Variants in GLB1L3 observed in about 807,000 individuals in gnomAD.
GLB1L3 encodes galactosidase beta 1 like 3.
In GLB1L3, 89 loss-of-function variants were observed where a neutral mutation model predicts 89.5. That is an observed-to-expected ratio of 0.99 (90% CI 0.84 to 1.19). The LOEUF (loss-of-function observed/expected upper bound fraction) is 1.19, where lower values mean the gene tolerates loss of function less well. Ranked by LOEUF, GLB1L3 falls within the 50% of genes most tolerant of loss-of-function variation. GLB1L3 has a pLI of 0.00. For missense variants in GLB1L3, 812 were observed against 813.3 expected (o/e 1.00, Z 0.02); for synonymous variants, 314 against 312.3 (o/e 1.01, Z -0.06).
chr11:134,297,752 T>C (rs1436232727), intron 9 of GLB1L3, among the ~76,000 whole-genome samples: 3 of 149,104 alleles, frequency 2.0e-5, no homozygotes, highest in Non-Finnish European at 4.4e-5. Context: ...CCCAGTTACT[T>C]GGGAGGCTGA....
At position 134,297,627 on chromosome 11, in the gene GLB1L3, G is replaced by A. The variant is rs573918405; in HGVS notation, c.876+4418G>A. Among the ~76,000 whole-genome samples, 21 of 152,108 alleles carry A rather than the reference G, an allele frequency of 1.4e-4. No individual in the cohort carries two copies. The South Asian group carries it at 1.5e-3, about 11-fold the overall frequency. ...TGTAATCCCAGCACTTTGGGAGGCC[G>A]AGGTGGGCGGATCATTTGAGGTCAG... On this transcript the variant is annotated intron_variant, in intron 9 of 19. Transcript: ENST00000431683.
chr11:134,312,543 T>A (rs1942786950), intron 14 of GLB1L3, 54 bp downstream of exon 14: 3 of 1,591,668 alleles, frequency 1.9e-6, no homozygotes, highest in Non-Finnish European at 1.7e-6. Flanking sequence ...CTCCCCATGC[T>A]GTCGGGCAGG....
downstream of GLB1L3, among the ~76,000 whole-genome samples, chr11:134,321,410 TAAA>T (rs1401716176): frequency 1.3e-5 from 2 of 151,812 alleles, no homozygotes; most frequent in Non-Finnish European, 2.9e-5. Context: ...TAGTAGAAGA[TAAA>T]GAAGTAGAAA....
chr11:134,315,675 C>T (rs1415950857), intron 18 of GLB1L3, among the ~76,000 whole-genome samples: 1 of 152,138 alleles, frequency 6.6e-6, no homozygotes, highest in East Asian at 1.9e-4. Context: ...TATCGATGCA[C>T]TCTTTTTTCT....
At position 134,312,333 on chromosome 11, in the gene GLB1L3, C is replaced by T; in HGVS notation, c.1288-16C>T. 1 of 1,612,428 alleles carries T rather than the reference C, an allele frequency of 6.2e-7. No homozygotes were observed. The highest frequency in any genetic ancestry group is 8.5e-7 in the Non-Finnish European group (1 of 1,179,462). On this transcript the variant is annotated splice_polypyrimidine_tract_variant and intron_variant, in intron 13 of 19. Coordinates refer to ENST00000431683, the MANE Select transcript of GLB1L3 (RefSeq NM_001080407.3). ...CTCAGCCCTTGGACTTCTGCTCTTG[C>T]CATTTCTCCTCATAGCCAGTCAGGT...
intron 9 of GLB1L3, among the ~76,000 whole-genome samples, chr11:134,297,263 A>T (rs1941700363): frequency 6.6e-6 from 1 of 152,142 alleles, no homozygotes; most frequent in Non-Finnish European, 1.5e-5. Flanking sequence ...ATACCTTAAC[A>T]TCTGTATTTA....
rs376609958 is a variant in GLB1L3 at position 134,277,869 on chromosome 11, C to A, written c.319C>A (p.Arg107Ser). 5 of 1,613,816 alleles carry A rather than the reference C, an allele frequency of 3.1e-6. No homozygotes were observed. The highest frequency in any genetic ancestry group is 1.6e-4 in the Middle Eastern group (1 of 6,080). ...FRVPREYWRD[R>S]LLKLKACGFN... ...GGTGCCCAGGGAGTACTGGAGGGAC[C>A]GCCTGCTGAAGCTGAAGGCCTGTGG... Residue 107 changes from arginine to serine, a missense_variant, in exon 3 of 20, where the codon CGC becomes AGC. Around this residue, in one of 3 missense-constraint regions of GLB1L3, gnomAD observed 191 missense variants for 191.4 expected, o/e 1.00. Transcript: ENST00000431683.
chr11:134,294,357 T>C (rs1256972271), intron 9 of GLB1L3, among the ~76,000 whole-genome samples: 1 of 152,204 alleles, frequency 6.6e-6, no homozygotes, highest in Non-Finnish European at 1.5e-5. Context: ...TGTGAGCCAC[T>C]GCGCCTGGAT....
At position 134,307,443 on chromosome 11, in the gene GLB1L3, C is replaced by T. The variant is rs1319510366; in HGVS notation, c.961+235C>T. Among the ~76,000 whole-genome samples the T allele has an allele frequency of 2.0e-5, 3 of 152,156 alleles. 1 individual carries two copies. The highest frequency in any genetic ancestry group is 4.4e-5 in the Non-Finnish European group (3 of 68,030). On this transcript the variant is annotated intron_variant, in intron 10 of 19. Coordinates refer to ENST00000431683, the MANE Select transcript of GLB1L3 (RefSeq NM_001080407.3). The stretch of plus-strand genomic sequence containing the variant: ...GTCCACAGATCATTACAGAGTAAAA[C>T]AATCAATATGTAGTTCCATGTTTGG...
chr11:134,293,786 G>A (rs2136152149), intron 9 of GLB1L3, among the ~76,000 whole-genome samples: 1 of 152,192 alleles, frequency 6.6e-6, no homozygotes, highest in African/African-American at 2.4e-5. Flanking sequence ...TAGAGTGCGT[G>A]CTTCAAGACC....
At chr11:134,315,579 A>T (rs572386804) in intron 18 of GLB1L3, among the ~76,000 whole-genome samples, 1 of 152,258 alleles carries the variant, frequency 6.6e-6, no homozygotes, top group Non-Finnish European at 1.5e-5. Flanking sequence ...ATTTCATCTA[A>T]ATTTTCAAAT....
chr11:134,313,278 C>A, intron 15 of GLB1L3, 118 bp from the exon 16 acceptor site: 1 of 718,070 alleles, frequency 1.4e-6, no homozygotes, highest in South Asian at 1.7e-5. Flanking sequence ...GACTGCTGGG[C>A]CCTGGAGCCT....
chr11:134,308,069 C>T (rs1421195200), intron 10 of GLB1L3, among the ~76,000 whole-genome samples: 1 of 151,620 alleles, frequency 6.6e-6, no homozygotes, highest in Non-Finnish European at 1.5e-5. Context: ...ATAACACCAA[C>T]AATAATACCA....
At chr11:134,276,853 C>T in intron 1 of GLB1L3, 90 bp downstream of exon 1, 1 of 1,167,068 alleles carries the variant, frequency 8.6e-7, no homozygotes. Context: ...TGGCCGGCCA[C>T]GCGCCCCAGG....
At position 134,287,312 on chromosome 11, in the gene GLB1L3, G is replaced by A. The variant is rs540268555; in HGVS notation, c.637-1486G>A. 5 of 152,338 alleles carry A rather than the reference G, an allele frequency of 3.3e-5. No homozygotes were observed. In the South Asian group the frequency reaches 6.2e-4, roughly 19 times the overall value. 9.4% of individuals were successfully genotyped at this position (152,338 alleles called of 1,614,324 possible). On this transcript the variant is annotated intron_variant, in intron 6 of 19. Transcript: ENST00000431683. ...GGAAATGCTAGGAAACTTTTAAGAAGCAAGGAATTATAAGGGTAAGTGAAA... is the reference window on the plus strand; with the variant it reads ...GGAAATGCTAGGAAACTTTTAAGAAACAAGGAATTATAAGGGTAAGTGAAA...
intron 2 of GLB1L3, 46 bp from the exon 3 acceptor site, chr11:134,277,654 A>T (rs1347946652): frequency 6.4e-7 from 1 of 1,568,316 alleles, no homozygotes; most frequent in East Asian, 2.3e-5. Context: ...CCTCTCCCGA[A>T]TCCTCTCTCC....
intron 8 of GLB1L3, chr11:134,292,759 C>T (rs557590819): frequency 3.4e-5 from 12 of 348,826 alleles, no homozygotes; most frequent in Non-Finnish European, 2.7e-5. Flanking sequence ...GGGAGCGGGG[C>T]GAGCTGCTGC....
chr11:134,318,526 G>C lies in GLB1L3; in HGVS notation c.1780-105G>C, dbSNP rs1039030493. ...TCCCACTCTAAACTCACCTTCATTTGAGTGCCATAAAGTATCTCAATCTTG... is the reference window on the plus strand; with the variant it reads ...TCCCACTCTAAACTCACCTTCATTTCAGTGCCATAAAGTATCTCAATCTTG... On this transcript the variant is annotated intron_variant, in intron 18 of 19. Transcript: ENST00000431683. The C allele has an allele frequency of 8.8e-6, 6 of 685,478 alleles. No homozygotes were observed. The African/African-American group carries it at 8.9e-5, about 10-fold the overall frequency. 42.5% of individuals were successfully genotyped at this position (685,478 alleles called of 1,614,324 possible).
At chr11:134,303,622 T>C (rs1217367075) in intron 9 of GLB1L3, among the ~76,000 whole-genome samples, 2 of 152,230 alleles carry the variant, frequency 1.3e-5, no homozygotes, top group Non-Finnish European at 2.9e-5. Flanking sequence ...GCACTGACTC[T>C]GGCCACTCCA....
Sources: allele counts gnomAD v4.1 joint callset (sites outside exome capture counted in the v4.1 genomes callset), GRCh38; gene constraint gnomAD v4.1.1; regional missense constraint gnomAD v4.1.1; transcripts MANE v1.5; gene names NCBI Gene and HGNC (gene_info 2026-07-23, HGNC 2026-07-21).